VRK2: variants seen among roughly 807,000 people sequenced by gnomAD.
VRK2 encodes the protein serine/threonine-protein kinase VRK2.
In VRK2, 60 loss-of-function variants were observed where a neutral mutation model predicts 57.6. That is an observed-to-expected ratio of 1.04 (90% CI 0.85 to 1.29). The LOEUF (loss-of-function observed/expected upper bound fraction) is 1.29, where lower values mean the gene tolerates loss of function less well. Among genes scored for constraint, VRK2 ranks in the 50% most tolerant of loss-of-function variants. The pLI is 0.00. For synonymous variants in VRK2, 231 were observed against 199.2 expected (o/e 1.16, Z -1.35); for missense variants, 705 against 588.1 (o/e 1.20, Z -2.06).
intron 12 of VRK2, among the ~76,000 whole-genome samples, chr2:58,158,186 A>ATAAT (rs1328310489): frequency 6.6e-6 from 1 of 152,162 alleles, no homozygotes; most frequent in African/African-American, 2.4e-5. Flanking sequence ...ATTTGATAGC[A>ATAAT]TAATTATTAT....
intron 2 of VRK2, among the ~76,000 whole-genome samples, chr2:58,070,387 T>C (rs1326629891): frequency 1.3e-5 from 2 of 152,250 alleles, no homozygotes; most frequent in Non-Finnish European, 2.9e-5. Context: ...GGTATATGCA[T>C]AATATCATGT....
At chr2:58,084,191 C>T (rs967296603) in intron 3 of VRK2, 53 bp downstream of exon 3, 4 of 1,533,342 alleles carry the variant, frequency 2.6e-6, no homozygotes, top group Non-Finnish European at 3.5e-6. Context: ...TTTTCCTTTT[C>T]TGCTTTAAGA....
chr2:58,123,971 G>A (rs1677923088), intron 8 of VRK2, among the ~76,000 whole-genome samples: 1 of 152,004 alleles, frequency 6.6e-6, no homozygotes, highest in Non-Finnish European at 1.5e-5. Context: ...AAACCATAAA[G>A]TGTTAATTTG....
chr2:57,974,402 A>G (rs1486146636), intron 1 of VRK2, among the ~76,000 whole-genome samples: 5 of 151,976 alleles, frequency 3.3e-5, no homozygotes, highest in African/African-American at 1.2e-4. Flanking sequence ...TAAAGTATAT[A>G]TGGGATTTTT....
At position 57,969,717 on chromosome 2, in the gene VRK2, G is replaced by C. The variant is rs1011809022; in HGVS notation, c.-438-55948G>C. ...TGAAATCTAAAACAGAAAAACTGAGGAAATCGCAGAAACAAAAGCCTTGAG... is the reference window on the plus strand; with the variant it reads ...TGAAATCTAAAACAGAAAAACTGAGCAAATCGCAGAAACAAAAGCCTTGAG... On this transcript the variant is annotated intron_variant, in intron 1 of 15. Coordinates refer to the VRK2 transcript ENST00000417641. Among the ~76,000 whole-genome samples, 9 of 152,146 alleles carry C rather than the reference G, an allele frequency of 5.9e-5. No homozygotes were observed. In the East Asian group the frequency reaches 9.6e-4, roughly 16 times the overall value.
intron 9 of VRK2, among the ~76,000 whole-genome samples, chr2:58,134,899 G>C (rs1487062035): frequency 6.6e-6 from 1 of 152,140 alleles, no homozygotes; most frequent in African/African-American, 2.4e-5. Flanking sequence ...GGTGAGAAAA[G>C]AGATCACACC....
intron 9 of VRK2, among the ~76,000 whole-genome samples, chr2:58,134,088 A>T (rs372768688): frequency 1.3e-5 from 2 of 152,104 alleles, no homozygotes; most frequent in African/African-American, 4.8e-5. Flanking sequence ...TCAGAAGCCA[A>T]GTCTCACTCT....
At chr2:57,913,267 C>T (rs1670045500) in intron 1 of VRK2, among the ~76,000 whole-genome samples, 4 of 152,134 alleles carry the variant, frequency 2.6e-5, no homozygotes, top group Non-Finnish European at 5.9e-5. Flanking sequence ...CATGGAAACT[C>T]ATGAGTTTTA....
chr2:58,146,534 T>G, intron 12 of VRK2, 60 bp downstream of exon 12: 1 of 1,541,328 alleles, frequency 6.5e-7, no homozygotes, highest in South Asian at 1.3e-5. Context: ...ATATGCCCTT[T>G]GGGAATAAAA....
At chr2:58,031,274 G>T (rs974197729) in intron 2 of VRK2, among the ~76,000 whole-genome samples, 1 of 152,060 alleles carries the variant, frequency 6.6e-6, no homozygotes, top group Non-Finnish European at 1.5e-5. Context: ...GACTTAGAAG[G>T]AATAGCGAGT....
intron 1 of VRK2, among the ~76,000 whole-genome samples, chr2:57,952,571 A>T (rs186184955): frequency 6.6e-6 from 1 of 152,226 alleles, no homozygotes; most frequent in Non-Finnish European, 1.5e-5. Context: ...TATCCTGAAC[A>T]TACATATCCT....
At chr2:58,131,958 C>T (rs1558677214) in intron 9 of VRK2, 30 bp downstream of exon 9, 1 of 1,613,212 alleles carries the variant, frequency 6.2e-7, no homozygotes. Context: ...TCATCATGTA[C>T]TGCACCAGGT....
intron 1 of VRK2, among the ~76,000 whole-genome samples, chr2:57,959,960 T>C (rs1485652728): frequency 1.3e-5 from 2 of 151,530 alleles, no homozygotes; most frequent in African/African-American, 2.4e-5. Context: ...AGACTGAGCA[T>C]TGATCATCCG....
intron 1 of VRK2, among the ~76,000 whole-genome samples, chr2:57,937,176 T>C (rs946281759): frequency 6.6e-6 from 1 of 152,220 alleles, no homozygotes; most frequent in African/African-American, 2.4e-5. Flanking sequence ...ACACATGCTA[T>C]GAAATCTTTT....
intron 11 of VRK2, among the ~76,000 whole-genome samples, chr2:58,144,130 GAAAT>G (rs1344889182): frequency 6.6e-6 from 1 of 151,824 alleles, no homozygotes; most frequent in Non-Finnish European, 1.5e-5. Flanking sequence ...TATGCTAAGT[GAAAT>G]AAGCCAGACA....
In VRK2 at chr2:58,107,481, A is replaced by G. The variant is rs192441478; in HGVS notation, c.544-15620A>G. Among the ~76,000 whole-genome samples the G allele has an allele frequency of 2.4e-3, 372 of 152,260 alleles. 2 individuals are homozygous for G. The highest frequency in any genetic ancestry group is 3.5e-4 in the Non-Finnish European group (24 of 68,014). On this transcript the variant is annotated intron_variant, in intron 7 of 12. Transcript: ENST00000340157. ...AGCTTGCCATTTTTAATAGTCATGAATAGTGACTTTCTTCCTAGTATAATT... is the reference window on the plus strand; with the variant it reads ...AGCTTGCCATTTTTAATAGTCATGAGTAGTGACTTTCTTCCTAGTATAATT...
At position 58,089,671 on chromosome 2, in the gene VRK2, A is replaced by G. The variant is rs756689245; in HGVS notation, c.491A>G (p.His164Arg). The change falls in exon 7 of 13, where the codon CAT becomes CGT. Residue 164 changes from histidine to arginine, a missense_variant. Coordinates refer to ENST00000340157, the MANE Select transcript of VRK2 (RefSeq NM_006296.7). ...TATATACATGAAAATGAATATGTTCATGGTGATATAAAAGCAGCAAATCTA... is the reference window on the plus strand; with the variant it reads ...TATATACATGAAAATGAATATGTTCGTGGTGATATAAAAGCAGCAAATCTA... ...LEYIHENEYVHGDIKAANLLL... is the reference protein window; with the variant it reads ...LEYIHENEYVRGDIKAANLLL... 25 of 1,608,450 alleles carry G rather than the reference A, an allele frequency of 1.6e-5. No homozygotes were observed. The highest frequency in any genetic ancestry group is 2.0e-5 in the Non-Finnish European group (23 of 1,176,384).
At chr2:58,096,451 CTATT>C (rs1673141324) in intron 7 of VRK2, among the ~76,000 whole-genome samples, 1 of 151,842 alleles carries the variant, frequency 6.6e-6, no homozygotes, top group Admixed American at 6.6e-5. Context: ...TTCTTTATCT[CTATT>C]TGAGTGTCTG....
chr2:58,049,110 A>C, intron 2 of VRK2, 143 bp downstream of exon 2: 2 of 1,058,450 alleles, frequency 1.9e-6, no homozygotes, highest in Non-Finnish European at 2.6e-6. Flanking sequence ...AAGTAATAAT[A>C]GAGTACAGTG....
Sources: allele counts gnomAD v4.1 joint callset (sites outside exome capture counted in the v4.1 genomes callset), GRCh38; gene constraint gnomAD v4.1.1; transcripts MANE v1.5; gene names NCBI Gene and HGNC (gene_info 2026-07-23, HGNC 2026-07-21).